SLC44A5: variants seen among roughly 807,000 people sequenced by gnomAD.
SLC44A5 encodes choline transporter-like protein 5.
In SLC44A5, 57 loss-of-function variants were observed where a neutral mutation model predicts 101.8. That is an observed-to-expected ratio of 0.56 (90% CI 0.45 to 0.70). The LOEUF is 0.70. Among genes scored for constraint, SLC44A5 ranks in the 30% least tolerant of loss-of-function variants. SLC44A5 has a pLI of 0.00. For missense variants in SLC44A5, 737 were observed against 853.1 expected (o/e 0.86, Z 1.70); for synonymous variants, 281 against 290.9 (o/e 0.97, Z 0.35).
At position 75,490,509 on chromosome 1, in the gene SLC44A5, A is replaced by G. The variant is rs1183482254; in HGVS notation, c.13+50926T>C. The stretch of plus-strand genomic sequence containing the variant: ...AGAAATATTTATAATTTATGAAAAG[A>G]GCATCTTTCTTTACACTGTTTTATG... On this transcript the variant is annotated intron_variant, in intron 2 of 23. Coordinates refer to ENST00000370859, the MANE Select transcript of SLC44A5 (RefSeq NM_001130058.2). Among the ~76,000 whole-genome samples, 4 of 152,194 alleles carry G rather than the reference A, an allele frequency of 2.6e-5. 1 individual carries two copies. The highest frequency in any genetic ancestry group is 4.1e-4 in the South Asian group (2 of 4,832).
intron 6 of SLC44A5, among the ~76,000 whole-genome samples, chr1:75,269,875 C>T (rs1651320619): frequency 6.6e-6 from 1 of 152,030 alleles, no homozygotes; most frequent in South Asian, 2.1e-4. Flanking sequence ...CCCATAATTC[C>T]CACATGTTGT....
intron 3 of SLC44A5, among the ~76,000 whole-genome samples, chr1:75,350,089 C>A (rs557321718): frequency 7.2e-5 from 11 of 152,222 alleles, no homozygotes; most frequent in Admixed American, 1.3e-4. Context: ...CGCGCCCCCC[C>A]CAACTCCAGC....
intron 5 of SLC44A5, among the ~76,000 whole-genome samples, chr1:75,275,791 C>T (rs568282716): frequency 1.1e-4 from 16 of 152,164 alleles, no homozygotes; most frequent in African/African-American, 3.9e-4. Context: ...GAAATGCTTT[C>T]TAATTTTAGC....
chr1:75,627,602 G>A, the SLC44A5 span, among the ~76,000 whole-genome samples: 1 of 151,988 alleles, frequency 6.6e-6, no homozygotes, highest in Admixed American at 6.6e-5. Context: ...AGGATTGCTT[G>A]AAACCAGGAG....
chr1:75,313,779 T>G (rs1235762921), intron 4 of SLC44A5, among the ~76,000 whole-genome samples: 1 of 152,086 alleles, frequency 6.6e-6, no homozygotes, highest in Non-Finnish European at 1.5e-5. Context: ...GAGGAAGCAG[T>G]AGGGCTCCTG....
chr1:75,482,563 G>A (rs1324502177), intron 2 of SLC44A5, among the ~76,000 whole-genome samples: 2 of 152,204 alleles, frequency 1.3e-5, no homozygotes, highest in African/African-American at 2.4e-5. Flanking sequence ...AGTCTCTGAT[G>A]TTTCAGTTTC....
At chr1:75,686,539 C>T in the SLC44A5 span, among the ~76,000 whole-genome samples, 9 of 152,126 alleles carry the variant, frequency 5.9e-5, no homozygotes, top group African/African-American at 1.7e-4. Flanking sequence ...TGGGAAGAAT[C>T]GTAAGGAATG....
the SLC44A5 span, among the ~76,000 whole-genome samples, chr1:75,684,567 A>T: frequency 2.0e-5 from 3 of 152,188 alleles, no homozygotes; most frequent in Non-Finnish European, 4.4e-5. Context: ...AAAATAAAGG[A>T]GCTACAGGCC....
intron 5 of SLC44A5, among the ~76,000 whole-genome samples, chr1:75,282,734 C>A (rs921190728): frequency 1.3e-5 from 2 of 152,084 alleles, no homozygotes; most frequent in African/African-American, 4.8e-5. Context: ...AGGGGCTTTT[C>A]CCCCTTTGCT....
At chr1:75,313,806 AT>A (rs1456229307) in intron 4 of SLC44A5, among the ~76,000 whole-genome samples, 1 of 152,240 alleles carries the variant, frequency 6.6e-6, no homozygotes, top group Non-Finnish European at 1.5e-5. Flanking sequence ...ATCCGAAGTT[AT>A]TAAAGATTGA....
chr1:75,411,531 T>C (rs1429988218), intron 2 of SLC44A5, among the ~76,000 whole-genome samples: 1 of 152,034 alleles, frequency 6.6e-6, no homozygotes, highest in East Asian at 1.9e-4. Context: ...AACTATTTGA[T>C]ATATTGGAGA....
chr1:75,307,618 A>G (rs959689464), intron 4 of SLC44A5, among the ~76,000 whole-genome samples: 1 of 152,122 alleles, frequency 6.6e-6, no homozygotes, highest in Non-Finnish European at 1.5e-5. Context: ...CCTACTTCTC[A>G]CGAATAATAG....
chr1:75,683,319 C>T, the SLC44A5 span, among the ~76,000 whole-genome samples: 13 of 152,168 alleles, frequency 8.5e-5, no homozygotes, highest in South Asian at 8.3e-4. Context: ...ATGTTTATTG[C>T]GGCATTATTC....
intron 7 of SLC44A5, among the ~76,000 whole-genome samples, chr1:75,246,946 G>C (rs1210077350): frequency 8.6e-5 from 13 of 152,046 alleles, no homozygotes; most frequent in African/African-American, 3.1e-4. Context: ...GTCAGACAGT[G>C]AAGGATCTTA....
At chr1:75,378,765 C>A (rs1570054970) in intron 3 of SLC44A5, among the ~76,000 whole-genome samples, 1 of 79,762 alleles carries the variant, frequency 1.3e-5, no homozygotes, top group Admixed American at 1.3e-4. Flanking sequence ...GGTCAGGTGC[C>A]CGTAAGATTA....
At chr1:75,494,833 C>T (rs775389101) in intron 2 of SLC44A5, among the ~76,000 whole-genome samples, 32 of 152,198 alleles carry the variant, frequency 2.1e-4, no homozygotes, top group Non-Finnish European at 4.3e-4. Context: ...CCAGCTTCTC[C>T]ATGAAGAGAA....
intron 3 of SLC44A5, among the ~76,000 whole-genome samples, chr1:75,354,319 G>A (rs867840869): frequency 2.0e-5 from 3 of 152,176 alleles, no homozygotes; most frequent in South Asian, 2.1e-4. Context: ...TTGATTGGTG[G>A]AATACTTGAA....
At chr1:75,402,569 C>A (rs937694059) in intron 2 of SLC44A5, 6 of 177,304 alleles carry the variant, frequency 3.4e-5, no homozygotes, top group Middle Eastern at 1.4e-3. Context: ...ATCACCTCAC[C>A]TGTGAAGCAC....
At chr1:75,233,457 T>A (rs1647782350) in intron 12 of SLC44A5, among the ~76,000 whole-genome samples, 1 of 137,238 alleles carries the variant, frequency 7.3e-6, no homozygotes, top group African/African-American at 2.8e-5. Flanking sequence ...ATTATTTAGC[T>A]CCCACAGACA....
Sources: allele counts gnomAD v4.1 joint callset (sites outside exome capture counted in the v4.1 genomes callset), GRCh38; gene constraint gnomAD v4.1.1; transcripts MANE v1.5; gene names NCBI Gene and HGNC (gene_info 2026-07-23, HGNC 2026-07-21).